Variants in PCDHGB3 observed in about 807,000 individuals in gnomAD.
PCDHGB3 encodes the protein protocadherin gamma subfamily B, 3.
PCDHGB3 carries 40 observed loss-of-function variants against 59.2 expected under a neutral mutation model. The observed-to-expected ratio is 0.68, with a 90% confidence interval of 0.52 to 0.88. PCDHGB3 has a LOEUF of 0.88. Ranked by LOEUF, PCDHGB3 falls within the 40% of genes least tolerant of loss-of-function variation. PCDHGB3 has a pLI of 0.00. For missense variants in PCDHGB3, 1,309 were observed against 1,187.9 expected (o/e 1.10, Z -1.50); for synonymous variants, 581 against 503.6 (o/e 1.15, Z -2.06).
In PCDHGB3 at chr5:141,370,462, C is replaced by G; in HGVS notation, c.68C>G (p.Ser23Cys). ...QRRMLFLFLL[S>C]LLDQALSEPI... ...CGAATGCTATTTCTCTTCCTGCTCT[C>G]TTTGTTAGACCAGGCTCTCTCCGAA... The change falls in exon 1 of 4, where the codon TCT becomes TGT. Residue 23 changes from serine to cysteine, a missense_variant. Physicochemically the swap from Ser to Cys is moderately radical, Grantham distance 112 (BLOSUM62 -1). Transcript: ENST00000576222. 12 of 1,612,864 alleles carry G rather than the reference C, an allele frequency of 7.4e-6. No homozygotes were observed. Among genetic ancestry groups the G allele is most frequent in the Non-Finnish European group, 8.5e-6 (10 of 1,179,348 alleles).
chr5:141,470,488 T>A (rs2099231812), intron 1 of PCDHGB3, among the ~76,000 whole-genome samples: 2 of 152,234 alleles, frequency 1.3e-5, no homozygotes, highest in South Asian at 4.1e-4. Flanking sequence ...CCTCTGGGAA[T>A]AATATTAGGT....
chr5:141,379,850 ATTATTGTCTTATTCTTAT>A (rs1302175225), intron 1 of PCDHGB3, among the ~76,000 whole-genome samples: 1 of 133,230 alleles, frequency 7.5e-6, no homozygotes, highest in African/African-American at 2.8e-5. Flanking sequence ...AAACTACCAA[ATTATTGTCTTATTCTTAT>A]TTTATGGTCT....
Position 141,490,055 on chromosome 5 carries a change from G to A in PCDHGB3, c.2416-4752G>A, listed in dbSNP as rs746297447. The A allele has an allele frequency of 1.9e-6, 3 of 1,614,068 alleles. No individual in the cohort carries two copies. The Admixed American group carries it at 5.0e-5, about 27-fold the overall frequency. On this transcript the variant is annotated intron_variant, in intron 1 of 3. Transcript: ENST00000576222. This position sits in a 1 kb window ranked among gnomAD's most constrained non-coding sequence, Gnocchi z 5.4. ...CTCAATGCCACTGATCCAGACGAGG[G>A]CACCAACGGCCAACTAGACTATTCT...
chr5:141,375,920 G>A, intron 1 of PCDHGB3: 1 of 1,613,748 alleles, frequency 6.2e-7, no homozygotes, highest in Admixed American at 1.7e-5. Flanking sequence ...CAAGGCCAGC[G>A]AGCCAGGACT....
chr5:141,383,357 C>A lies in PCDHGB3; in HGVS notation c.2415+10548C>A, dbSNP rs769784659. The A allele has an allele frequency of 9.9e-6, 16 of 1,613,956 alleles. No homozygotes were observed. The South Asian group carries it at 1.8e-4, about 18-fold the overall frequency. ...AATACAGCTCCTGGGGTTCGGTTTC[C>A]GTTAAGCGAGGCTGGGGATCCAGAT... On this transcript the variant is annotated intron_variant, in intron 1 of 3. Transcript: ENST00000576222.
chr5:141,423,488 ATTC>A, intron 1 of PCDHGB3: 1 of 1,613,954 alleles, frequency 6.2e-7, no homozygotes, highest in Non-Finnish European at 8.5e-7. Flanking sequence ...CTGCAAACCT[ATTC>A]CCACGAGGTC....
intron 1 of PCDHGB3, chr5:141,408,696 A>G (rs768439069): frequency 6.2e-7 from 1 of 1,613,648 alleles, no homozygotes; most frequent in East Asian, 2.2e-5. Context: ...ATAAACATAA[A>G]CTCAATTAAA....
Position 141,370,520 on chromosome 5 carries a change from CA to C in PCDHGB3, c.127del (p.Arg43GlyfsTer5). ...IRYAIPEELDRGSLVGNLAKD... is the reference protein window; with the variant it reads ...IRYAIPEELDXGSLVGNLAKD... ...GCTACGCTATTCCCGAGGAGCTGGA[CA>C]GGGGCTCGCTGGTAGGGAACCTCGC... On this transcript the variant is annotated frameshift_variant, in exon 1 of 4. Transcript: ENST00000576222. LOFTEE classifies it high-confidence loss of function. The C allele has an allele frequency of 6.2e-7, 1 of 1,613,870 alleles. No homozygotes were observed. The highest frequency in any genetic ancestry group is 8.5e-7 in the Non-Finnish European group (1 of 1,179,802).
intron 2 of PCDHGB3, among the ~76,000 whole-genome samples, chr5:141,500,136 A>G (rs966215589): frequency 6.6e-6 from 1 of 151,606 alleles, no homozygotes; most frequent in African/African-American, 2.4e-5. Flanking sequence ...ATATCTTTCT[A>G]AACTTTTCTT....
intron 1 of PCDHGB3, among the ~76,000 whole-genome samples, chr5:141,445,609 T>A (rs900534761): frequency 1.3e-5 from 2 of 152,220 alleles, no homozygotes; most frequent in African/African-American, 4.8e-5. Flanking sequence ...CAAGGAAGGC[T>A]TTCTTTTTTT....
intron 1 of PCDHGB3, chr5:141,385,518 A>T (rs1194402340): frequency 9.5e-6 from 13 of 1,366,176 alleles, no homozygotes; most frequent in Non-Finnish European, 1.2e-5. Flanking sequence ...GTGAAAGCCT[A>T]TGGACAAGAT....
chr5:141,498,786 A>T (rs2099785591), intron 2 of PCDHGB3, among the ~76,000 whole-genome samples: 1 of 152,050 alleles, frequency 6.6e-6, no homozygotes, highest in East Asian at 1.9e-4. Context: ...ACAAAATATT[A>T]GCCAGGTGTG....
intron 1 of PCDHGB3, chr5:141,423,652 A>G (rs746768292): frequency 1.9e-6 from 3 of 1,583,268 alleles, no homozygotes; most frequent in Non-Finnish European, 2.6e-6. Flanking sequence ...TGACCCGACA[A>G]GTAATCAGGT....
At chr5:141,458,728 T>A (rs1010109573) in intron 1 of PCDHGB3, among the ~76,000 whole-genome samples, 1 of 151,870 alleles carries the variant, frequency 6.6e-6, no homozygotes, top group Non-Finnish European at 1.5e-5. Context: ...CGCCACCACA[T>A]CCAGCTATTG....
chr5:141,375,163 A>G (rs1313060581), intron 1 of PCDHGB3: 1 of 1,613,892 alleles, frequency 6.2e-7, no homozygotes, highest in South Asian at 1.1e-5. Context: ...CTGAAAGTGC[A>G]CCTCCAGGAA....
chr5:141,423,506 T>C (rs1242003813), intron 1 of PCDHGB3: 1 of 1,613,808 alleles, frequency 6.2e-7, no homozygotes, highest in African/African-American at 1.3e-5. Context: ...GAGGTCTCTC[T>C]CATTGCGGAC....
At chr5:141,506,247 G>A (rs113270457) in intron 3 of PCDHGB3, among the ~76,000 whole-genome samples, 8,033 of 152,078 alleles carry the variant, frequency 0.053, 470 homozygotes, top group African/African-American at 0.14. Flanking sequence ...TCAGGAGTTC[G>A]AAACCGGCCT....
At chr5:141,438,720 G>A (rs1393152221) in intron 1 of PCDHGB3, among the ~76,000 whole-genome samples, 1 of 147,892 alleles carries the variant, frequency 6.8e-6, no homozygotes, top group Non-Finnish European at 1.5e-5. Flanking sequence ...GAGTGCAAGT[G>A]GTGTGATCTC....
Position 141,408,292 on chromosome 5 carries a change from T to C in PCDHGB3, c.2415+35483T>C, listed in dbSNP as rs752767472. On this transcript the variant is annotated intron_variant, in intron 1 of 3. Coordinates refer to ENST00000576222, the MANE Select transcript of PCDHGB3 (RefSeq NM_018924.5). ...TGCCTTTGTTCTACCCCACCCTGAGTGAGCCGATCCGCTACTCGATTCCGG... is the reference window on the plus strand; with the variant it reads ...TGCCTTTGTTCTACCCCACCCTGAGCGAGCCGATCCGCTACTCGATTCCGG... The C allele has an allele frequency of 5.0e-6, 8 of 1,613,504 alleles. No homozygotes were observed. The South Asian group carries it at 8.8e-5, about 18-fold the overall frequency.
Sources: gnomAD v4.1 joint callset for allele counts (sites outside exome capture counted in the v4.1 genomes callset) on GRCh38, gnomAD v4.1.1 for gene constraint, Gnocchi (gnomAD v3.1) non-coding constraint, MANE v1.5 for transcripts, NCBI Gene and HGNC (gene_info 2026-07-23, HGNC 2026-07-21) for gene names.